Variants in DIP2B observed in about 807,000 individuals in gnomAD.
DIP2B encodes the protein DIP2 acetate--CoA ligase B (putative).
Under a neutral mutation model 198.0 loss-of-function variants are expected in DIP2B, and 76 were observed. The ratio of observed to expected loss-of-function variants is 0.38; its 90% CI spans 0.32 to 0.46. The LOEUF (loss-of-function observed/expected upper bound fraction) is 0.46, where lower values mean the gene tolerates loss of function less well. Ranked by LOEUF, DIP2B falls within the 20% of genes least tolerant of loss-of-function variation. The pLI is 0.99. For missense variants in DIP2B, 1,559 were observed against 1,978.4 expected, an observed-to-expected ratio of 0.79 and a Z score of 4.02; for synonymous variants, 701 against 739.1, an observed-to-expected ratio of 0.95 and a Z score of 0.84.
At position 50,723,196 on chromosome 12, in the gene DIP2B, T is replaced by G; in HGVS notation, c.3167-6T>G. ...GACTCTCCTGACAGGGTCCTTTGTC[T>G]TGCAGGCATTGAGTTAATCGCCGCC... On this transcript the variant is annotated splice_polypyrimidine_tract_variant and splice_region_variant and intron_variant, in intron 26 of 37. Transcript: ENST00000301180. 6.2e-7 allele frequency: 1 copy of G among 1,614,086 alleles called. No individual in the cohort carries two copies. Among genetic ancestry groups the G allele is most frequent in the Non-Finnish European group, 8.5e-7 (1 of 1,180,016 alleles).
At chr12:50,542,316 AGGCTGCATTT>A (rs1207762052) in intron 1 of DIP2B, among the ~76,000 whole-genome samples, 1 of 152,120 alleles carries the variant, frequency 6.6e-6, no homozygotes, top group East Asian at 1.9e-4. Flanking sequence ...GAATGGGAAA[AGGCTGCATTT>A]GTCTTGGAAT....
intron 23 of DIP2B, among the ~76,000 whole-genome samples, chr12:50,714,972 G>A (rs997476177): frequency 2.0e-5 from 3 of 152,190 alleles, no homozygotes; most frequent in African/African-American, 7.2e-5. Context: ...GGTGTGTTAA[G>A]GCAGCCCGGA....
At position 50,587,429 on chromosome 12, in the gene DIP2B, TG is replaced by T. The variant is rs200675116; in HGVS notation, c.101-38546del. 8.7e-3 allele frequency among the ~76,000 whole-genome samples: 1,330 copies of T among 152,356 alleles called. 9 individuals are homozygous for T. The highest frequency in any genetic ancestry group is 0.017 in the Middle Eastern group (5 of 294). On this transcript the variant is annotated intron_variant, in intron 1 of 37. Coordinates refer to ENST00000301180, the MANE Select transcript of DIP2B (RefSeq NM_173602.3). ...GCAAAGCTACCTTTTTGCCATTCCT[TG>T]TTTTTGGATACCTGCGCTTACTAAA... is the stretch of plus-strand genomic sequence containing the variant.
At chr12:50,571,372 A>G (rs118017002) in intron 1 of DIP2B, among the ~76,000 whole-genome samples, 1,891 of 152,034 alleles carry the variant, frequency 0.012, 17 homozygotes, top group Non-Finnish European at 0.019. Flanking sequence ...GGGTTATGCC[A>G]TGAAGGCCAG....
chr12:50,534,369 A>ATTTTTTTT (rs72095442), intron 1 of DIP2B, among the ~76,000 whole-genome samples: 29 of 107,864 alleles, frequency 2.7e-4, no homozygotes, highest in Non-Finnish European at 3.7e-4. Flanking sequence ...TTCTCATTTC[A>ATTTTTTTT]TTTTTTTTTT....
chr12:50,689,218 C>T (rs760074869), intron 12 of DIP2B, among the ~76,000 whole-genome samples: 22 of 151,870 alleles, frequency 1.4e-4, no homozygotes, highest in Non-Finnish European at 3.1e-4. Context: ...GGCAACATGG[C>T]GAAATTCTGT....
In DIP2B at chr12:50,741,375, T is replaced by C. The variant is rs1271828536; in HGVS notation, c.4355-41T>C. On this transcript the variant is annotated intron_variant, in intron 36 of 37. Transcript: ENST00000301180. Reference sequence around the variant, plus strand: ...GACTCCAGTGTTATGTTGCACTCAGTATATGTCCAAGCCACATTTCTCTCT... The same window carrying C: ...GACTCCAGTGTTATGTTGCACTCAGCATATGTCCAAGCCACATTTCTCTCT... 3.7e-6 allele frequency: 6 copies of C among 1,603,018 alleles called. No homozygotes were observed. In the Admixed American group the frequency reaches 6.7e-5, roughly 18 times the overall value.
At chr12:50,679,363 C>G (rs969249729) in intron 8 of DIP2B, 1 of 166,276 alleles carries the variant, frequency 6.0e-6, no homozygotes, top group East Asian at 1.7e-4. Context: ...TGGGGTCAAC[C>G]CTGGGCTATG....
intron 1 of DIP2B, among the ~76,000 whole-genome samples, chr12:50,524,484 C>G (rs747811928): frequency 6.6e-6 from 1 of 152,124 alleles, no homozygotes; most frequent in Non-Finnish European, 1.5e-5. Flanking sequence ...GCTGACTCTT[C>G]TTTCTCTTTT....
intron 1 of DIP2B, among the ~76,000 whole-genome samples, chr12:50,563,846 C>G (rs1048618307): frequency 2.0e-5 from 3 of 151,318 alleles, no homozygotes; most frequent in Non-Finnish European, 4.4e-5. Flanking sequence ...CTTCTTTGAT[C>G]CTTCATTCTT....
At chr12:50,674,738 G>A in intron 6 of DIP2B, 109 bp downstream of exon 6, 1 of 1,351,798 alleles carries the variant, frequency 7.4e-7, no homozygotes. Flanking sequence ...CTGCATTGTA[G>A]TTGGCCCACT....
intron 1 of DIP2B, among the ~76,000 whole-genome samples, chr12:50,537,736 G>A (rs577866784): frequency 6.6e-6 from 1 of 152,314 alleles, no homozygotes; most frequent in East Asian, 1.9e-4. Context: ...AGCTAGAGGA[G>A]AAAGAAGAGT....
chr12:50,561,486 C>G (rs1958519005), intron 1 of DIP2B, among the ~76,000 whole-genome samples: 1 of 151,884 alleles, frequency 6.6e-6, no homozygotes, highest in Admixed American at 6.6e-5. Flanking sequence ...TGAAACTATT[C>G]AGAGTACTAT....
In DIP2B at chr12:50,645,250, CTT is replaced by C. The variant is rs532850000; in HGVS notation, c.301+4400_301+4401del. Among the ~76,000 whole-genome samples the C allele has an allele frequency of 1.6e-3, 247 of 152,212 alleles. 2 individuals carry two copies. The highest frequency in any genetic ancestry group is 2.2e-3 in the Non-Finnish European group (148 of 67,992). ...CATTAAAATTTTAAATAGTCATGTT[CTT>C]TATCCAGAAATTCTACTTCTAGGAA... is the stretch of plus-strand genomic sequence containing the variant. On this transcript the variant is annotated intron_variant, in intron 3 of 37. Coordinates refer to ENST00000301180, the MANE Select transcript of DIP2B (RefSeq NM_173602.3).
rs1051511409 is a variant in DIP2B at position 50,669,043 on chromosome 12, A to G, written c.428-2143A>G. On this transcript the variant is annotated intron_variant, in intron 4 of 37. Coordinates refer to ENST00000301180, the MANE Select transcript of DIP2B (RefSeq NM_173602.3). ...GGTCACTATTTATCTCTCCACCCTC[A>G]TTTTTTTCATTTTTTTGCCTTACTC... Among the ~76,000 whole-genome samples the G allele has an allele frequency of 3.3e-5, 5 of 150,906 alleles. No homozygotes were observed. The East Asian group carries it at 9.7e-4, about 29-fold the overall frequency.
chr12:50,623,437 A>ACTCTCT (rs142536204), intron 1 of DIP2B, among the ~76,000 whole-genome samples: 9 of 57,166 alleles, frequency 1.6e-4, no homozygotes, highest in African/African-American at 5.2e-4. Flanking sequence ...ACACACACAC[A>ACTCTCT]CTCTCTCTCT....
chr12:50,596,834 G>A (rs1027720132), intron 1 of DIP2B, among the ~76,000 whole-genome samples: 6 of 152,092 alleles, frequency 3.9e-5, no homozygotes, highest in East Asian at 3.8e-4. Context: ...TCTTATTTAC[G>A]TGTTTTTAAA....
At chr12:50,708,309 T>C (rs1939551846) in intron 21 of DIP2B, 139 bp from the exon 22 acceptor site, 1 of 659,148 alleles carries the variant, frequency 1.5e-6, no homozygotes, top group African/African-American at 1.8e-5. Flanking sequence ...TTGAGAGTAA[T>C]GATTATGACA....
At chr12:50,517,839 C>G (rs1246464117) in intron 1 of DIP2B, among the ~76,000 whole-genome samples, 2 of 151,938 alleles carry the variant, frequency 1.3e-5, no homozygotes, top group Non-Finnish European at 2.9e-5. Context: ...CTTTTTTTGC[C>G]CGGTTAACTT....
Sources: gnomAD v4.1 joint callset for allele counts (sites outside exome capture counted in the v4.1 genomes callset) on GRCh38, gnomAD v4.1.1 for gene constraint, MANE v1.5 for transcripts, NCBI Gene and HGNC (gene_info 2026-07-23, HGNC 2026-07-21) for gene names.